Variants in USH2A observed in about 807,000 individuals in gnomAD.
USH2A encodes Usher syndrome 2A (autosomal recessive, mild).
USH2A carries 443 observed loss-of-function variants against 538.9 expected under a neutral mutation model. The ratio of observed to expected loss-of-function variants is 0.82; its 90% CI spans 0.76 to 0.89. The LOEUF is 0.89. Among genes scored for constraint, USH2A ranks in the 40% least tolerant of loss-of-function variants. The pLI is 0.00. For missense variants in USH2A, 6,633 were observed against 6,324.8 expected (o/e 1.05, Z -1.65); for synonymous variants, 2,413 against 2,273.5 (o/e 1.06, Z -1.75).
At chr1:215,816,865 T>C in intron 48 of USH2A, 132 bp downstream of exon 48, 3 of 1,008,808 alleles carry the variant, frequency 3.0e-6, no homozygotes, top group Non-Finnish European at 4.5e-6. Flanking sequence ...CATCCTTTCT[T>C]TTCCGTGGAG....
chr1:216,133,367 A>C (rs145059956), intron 21 of USH2A, among the ~76,000 whole-genome samples: 43 of 152,236 alleles, frequency 2.8e-4, no homozygotes, highest in African/African-American at 1.0e-3. Flanking sequence ...CCAACTGAGA[A>C]GTCTCAAATG....
In USH2A at chr1:215,870,925, T is replaced by G. The variant is rs77398066; in HGVS notation, c.8682-3755A>C. Among the ~76,000 whole-genome samples the G allele has an allele frequency of 3.8e-4, 58 of 152,308 alleles. 2 individuals are homozygous for G. In the East Asian group the frequency reaches 0.011, roughly 29 times the overall value. On this transcript the variant is annotated intron_variant, in intron 43 of 71. Transcript: ENST00000307340. Reference sequence around the variant, plus strand: ...CATCATATACTTATGACAAAACTTATGTGTATCAATCAATTTCTTCTCTAA... The same window carrying G: ...CATCATATACTTATGACAAAACTTAGGTGTATCAATCAATTTCTTCTCTAA...
intron 37 of USH2A, among the ~76,000 whole-genome samples, chr1:215,936,287 T>G (rs1313771742): frequency 6.6e-6 from 1 of 152,046 alleles, no homozygotes; most frequent in East Asian, 1.9e-4. Flanking sequence ...AAAGTGATCT[T>G]GCATCGTATA....
rs1025072326 is a variant in USH2A at position 215,680,386 on chromosome 1, A to C, written c.12067-10T>G. The C allele has an allele frequency of 4.4e-6, 7 of 1,595,726 alleles. No homozygotes were observed. Among genetic ancestry groups the C allele is most frequent in the Non-Finnish European group, 6.0e-6 (7 of 1,174,822 alleles). ...CTTGATGGCTTGTTCCCTGTAAGAA[A>C]ATTAACAGGTTAAGTTGTTGTTTTT... On this transcript the variant is annotated splice_polypyrimidine_tract_variant and intron_variant, in intron 61 of 71. Coordinates refer to ENST00000307340, the MANE Select transcript of USH2A (RefSeq NM_206933.4).
At chr1:215,981,630 C>T (rs185349398) in intron 35 of USH2A, among the ~76,000 whole-genome samples, 71 of 152,268 alleles carry the variant, frequency 4.7e-4, no homozygotes, top group African/African-American at 1.7e-3. Context: ...ATTGGCTAAA[C>T]ACTCCTTGCA....
intron 22 of USH2A, among the ~76,000 whole-genome samples, chr1:216,092,878 C>G (rs1391036379): frequency 6.6e-6 from 1 of 152,094 alleles, no homozygotes; most frequent in East Asian, 1.9e-4. Flanking sequence ...GCAGTTTTAC[C>G]TTATGGAGAG....
At chr1:216,214,246 T>G (rs1463372636) in intron 15 of USH2A, among the ~76,000 whole-genome samples, 3 of 152,072 alleles carry the variant, frequency 2.0e-5, no homozygotes, top group Admixed American at 2.0e-4. Context: ...TGTAACTGTA[T>G]GTTCATGGAT....
chr1:215,688,834 G>T (rs1658513723), intron 61 of USH2A, among the ~76,000 whole-genome samples: 1 of 152,060 alleles, frequency 6.6e-6, no homozygotes. Flanking sequence ...GGGCTCCAGT[G>T]TATGCATTTT....
intron 3 of USH2A, among the ~76,000 whole-genome samples, chr1:216,375,966 A>C (rs1234396072): frequency 1.3e-5 from 2 of 152,180 alleles, no homozygotes; most frequent in South Asian, 2.1e-4. Flanking sequence ...AACACACACA[A>C]CATTTATTGG....
chr1:215,911,549 C>T (rs796153939), intron 38 of USH2A, among the ~76,000 whole-genome samples: 16 of 152,096 alleles, frequency 1.1e-4, no homozygotes, highest in African/African-American at 1.7e-4. Flanking sequence ...TTCTTTTCTA[C>T]GGCTGAATAG....
chr1:215,985,803 G>T (rs1667856973), intron 35 of USH2A, among the ~76,000 whole-genome samples: 1 of 152,032 alleles, frequency 6.6e-6, no homozygotes, highest in Non-Finnish European at 1.5e-5. Flanking sequence ...ATAGTTAATT[G>T]ATTTCTCTAC....
chr1:216,169,835 A>C (rs1399931546), intron 21 of USH2A, among the ~76,000 whole-genome samples: 1 of 152,170 alleles, frequency 6.6e-6, no homozygotes, highest in Non-Finnish European at 1.5e-5. Context: ...GACACATAGT[A>C]GATTATTATA....
At chr1:216,140,619 C>T (rs2033584142) in intron 21 of USH2A, among the ~76,000 whole-genome samples, 1 of 152,140 alleles carries the variant, frequency 6.6e-6, no homozygotes, top group African/African-American at 2.4e-5. Context: ...AGTAAGTGAA[C>T]ATAAAACCTT....
chr1:216,177,839 T>C (rs2034420175), intron 20 of USH2A, among the ~76,000 whole-genome samples: 1 of 152,148 alleles, frequency 6.6e-6, no homozygotes, highest in Non-Finnish European at 1.5e-5. Context: ...TATTCCCCCT[T>C]TAAGTATGTC....
intron 64 of USH2A, among the ~76,000 whole-genome samples, chr1:215,657,875 C>A (rs1396183957): frequency 6.6e-6 from 1 of 151,844 alleles, no homozygotes; most frequent in Non-Finnish European, 1.5e-5. Flanking sequence ...TCCTCTAATA[C>A]CTGAAGAAGG....
intron 64 of USH2A, among the ~76,000 whole-genome samples, chr1:215,658,620 T>G (rs1487720900): frequency 6.6e-6 from 1 of 152,192 alleles, no homozygotes; most frequent in African/African-American, 2.4e-5. Context: ...TGTCCTGGGC[T>G]TTTCATAGAG....
intron 11 of USH2A, among the ~76,000 whole-genome samples, chr1:216,278,290 C>G (rs983239702): frequency 6.6e-6 from 1 of 152,060 alleles, no homozygotes; most frequent in Non-Finnish European, 1.5e-5. Context: ...AGGCTAAGAC[C>G]TCATCTCAGT....
At chr1:216,415,780 C>A (rs1160355203) in intron 3 of USH2A, among the ~76,000 whole-genome samples, 2 of 152,000 alleles carry the variant, frequency 1.3e-5, no homozygotes, top group African/African-American at 4.8e-5. Context: ...TTCACTTCTA[C>A]CTCCCAAAAT....
intron 37 of USH2A, among the ~76,000 whole-genome samples, chr1:215,951,265 A>G (rs189792839): frequency 0.032 from 4,864 of 152,158 alleles, 123 homozygotes; most frequent in South Asian, 0.082. Flanking sequence ...CTTTGTTCTC[A>G]TTGGTTTCAA....
Sources: gnomAD v4.1 joint callset for allele counts (sites outside exome capture counted in the v4.1 genomes callset) on GRCh38, gnomAD v4.1.1 for gene constraint, MANE v1.5 for transcripts, NCBI Gene and HGNC (gene_info 2026-07-23, HGNC 2026-07-21) for gene names.